SIAH3: variants seen among roughly 807,000 people sequenced by gnomAD.
The protein encoded by SIAH3 is seven in absentia homolog 3.
In SIAH3, 9 loss-of-function variants were observed where a neutral mutation model predicts 12.6. The observed-to-expected ratio is 0.72, with a 90% CI of 0.43 to 1.25. The LOEUF is 1.25. SIAH3 is among the 50% of genes most tolerant of loss of function. The pLI is 0.00. For missense variants in SIAH3, 390 were observed against 365.4 expected (o/e 1.07, Z -0.55); for synonymous variants, 154 against 151.1 (o/e 1.02, Z -0.14).
chr13:45,777,759 A>C lies in SIAH3; in HGVS notation c.*5624T>G, dbSNP rs1404501674. On this transcript the variant is annotated 3_prime_UTR_variant, in exon 2 of 2. Transcript: ENST00000400405. Reference sequence around the variant, plus strand: ...TGCAGCTGAACCTCAATCAAAGCCTAACTCTTTGGGGTCCCACCCATGATC... The same window carrying C: ...TGCAGCTGAACCTCAATCAAAGCCTCACTCTTTGGGGTCCCACCCATGATC... 6.6e-6 allele frequency: 1 copy of C among 152,224 alleles called. No individual in the cohort carries two copies. The highest frequency in any genetic ancestry group is 1.5e-5 in the Non-Finnish European group (1 of 68,038). The allele number at this position is 152,224 out of a possible 1,614,324, so 9.4% of individuals were successfully genotyped here.
rs573125730 is a variant in SIAH3, at chr13:45,780,875, A to G, written c.*2508T>C. ...TAATGAGGATTAACCTGAGACTCAA[A>G]TCAAAGAGCCCTTCAGGAACTGTGA... On this transcript the variant is annotated 3_prime_UTR_variant, in exon 2 of 2. Transcript: ENST00000400405. 3.3e-5 allele frequency: 5 copies of G among 152,298 alleles called. No homozygotes were observed. Among genetic ancestry groups the G allele is most frequent in the Middle Eastern group, 3.4e-3 (1 of 294 alleles). The allele number at this position is 152,298 out of a possible 1,614,324, so 9.4% of individuals were successfully genotyped here.
At chr13:45,817,421 A>G (rs1348564225) in intron 1 of SIAH3, among the ~76,000 whole-genome samples, 3 of 152,252 alleles carry the variant, frequency 2.0e-5, no homozygotes, top group Non-Finnish European at 4.4e-5. Flanking sequence ...CTACTGATGC[A>G]TTTCTCAGAA....
intron 1 of SIAH3, among the ~76,000 whole-genome samples, chr13:45,847,160 G>A (rs773290028): frequency 9.9e-5 from 15 of 152,166 alleles, no homozygotes; most frequent in Non-Finnish European, 1.5e-4. Context: ...GTGACTGTGT[G>A]GAGAGGAACT....
In SIAH3 at chr13:45,780,343, C is replaced by T. The variant is rs1458828943; in HGVS notation, c.*3040G>A. The T allele has an allele frequency of 6.6e-6, 1 of 152,076 alleles. No individual in the cohort carries two copies. Among genetic ancestry groups the T allele is most frequent in the Non-Finnish European group, 1.5e-5 (1 of 68,122 alleles). 9.4% of individuals were successfully genotyped at this position (152,076 alleles called of 1,614,324 possible). A position where few individuals can be genotyped will look rare whatever the true frequency, so the allele number is the denominator to read the frequency against. ...GGAGTTACAAGTGGTGCAATCACAG[C>T]TCACTGTGACCTCAACCTCCTGGGC... On this transcript the variant is annotated 3_prime_UTR_variant, in exon 2 of 2. Coordinates refer to ENST00000400405, the MANE Select transcript of SIAH3 (RefSeq NM_198849.3).
chr13:45,788,953 G>A (rs1335798465), intron 1 of SIAH3, among the ~76,000 whole-genome samples: 1 of 152,200 alleles, frequency 6.6e-6, no homozygotes, highest in Non-Finnish European at 1.5e-5. Flanking sequence ...GGGAGAATGA[G>A]CAGGTTGAGG....
At chr13:45,787,282 G>A (rs73470531) in intron 1 of SIAH3, among the ~76,000 whole-genome samples, 4,906 of 152,210 alleles carry the variant, frequency 0.032, 276 homozygotes, top group African/African-American at 0.11. Context: ...TTTTGATGGG[G>A]CTTATGGCAG....
At chr13:45,810,194 C>T (rs1950611668) in intron 1 of SIAH3, among the ~76,000 whole-genome samples, 2 of 152,188 alleles carry the variant, frequency 1.3e-5, no homozygotes, top group Admixed American at 1.3e-4. Context: ...TGCTCAGTCC[C>T]ACCTGGACTA....
intron 1 of SIAH3, among the ~76,000 whole-genome samples, chr13:45,786,730 T>C (rs533369840): frequency 6.6e-6 from 1 of 152,294 alleles, no homozygotes; most frequent in African/African-American, 2.4e-5. Flanking sequence ...CCTGCCTGTC[T>C]CCATTCTGAT....
chr13:45,851,103 G>T (rs1025827574), intron 1 of SIAH3, among the ~76,000 whole-genome samples: 1 of 147,246 alleles, frequency 6.8e-6, no homozygotes, highest in Non-Finnish European at 1.5e-5. Flanking sequence ...CCAACACATG[G>T]GACAGAGAGA....
At chr13:45,815,355 C>T (rs7986176) in intron 1 of SIAH3, among the ~76,000 whole-genome samples, 11,515 of 151,744 alleles carry the variant, frequency 0.076, 1,404 homozygotes, top group African/African-American at 0.26. Flanking sequence ...AAAGAGAAAA[C>T]AGACTGAGGC....
intron 1 of SIAH3, among the ~76,000 whole-genome samples, chr13:45,805,722 C>A (rs1950596500): frequency 6.6e-6 from 1 of 152,102 alleles, no homozygotes; most frequent in African/African-American, 2.4e-5. Context: ...CAGAAATTGA[C>A]AAGTAGGACC....
chr13:45,808,088 T>C (rs1410672315), intron 1 of SIAH3, among the ~76,000 whole-genome samples: 1 of 151,738 alleles, frequency 6.6e-6, no homozygotes, highest in Non-Finnish European at 1.5e-5. Context: ...GATGTTGTGT[T>C]GGTAGCTTAA....
Position 45,850,789 on chromosome 13 carries a change from A to G in SIAH3, c.135+706T>C, listed in dbSNP as rs1036576766. 7.2e-5 allele frequency among the ~76,000 whole-genome samples: 11 copies of G among 152,096 alleles called. No individual in the cohort carries two copies. The South Asian group carries it at 8.3e-4, about 11-fold the overall frequency. On this transcript the variant is annotated intron_variant, in intron 1 of 1. Transcript: ENST00000400405. ...CGAGCAACCCAGCACCCAGCTGCCT[A>G]GGGTGCTCCAGGCAGCGGCGGCAGC...
intron 1 of SIAH3, among the ~76,000 whole-genome samples, chr13:45,826,926 T>C (rs1331242217): frequency 6.6e-6 from 1 of 152,170 alleles, no homozygotes; most frequent in African/African-American, 2.4e-5. Flanking sequence ...CTCTGGGCGA[T>C]GTACACATTA....
Position 45,824,888 on chromosome 13 carries a change from A to C in SIAH3, c.135+26607T>G, listed in dbSNP as rs201251645. Among the ~76,000 whole-genome samples the C allele has an allele frequency of 6.6e-3, 701 of 105,506 alleles. 7 individuals are homozygous for C. The highest frequency in any genetic ancestry group is 0.053 in the East Asian group (168 of 3,158). 69.2% of individuals were successfully genotyped at this position (105,506 alleles called of 152,430 possible). On this transcript the variant is annotated intron_variant, in intron 1 of 1. Transcript: ENST00000400405. ...GCGAGACTCTGTCTCAAAAAAAAAA[A>C]CAAAAAAAACAAAAACCAAAAAACC...
Position 45,785,090 on chromosome 13 carries a change from A to ATTC in SIAH3, c.136-1034_136-1033insGAA, listed in dbSNP as rs1416989848. Among the ~76,000 whole-genome samples the ATTC allele has an allele frequency of 7.2e-5, 11 of 152,322 alleles. No homozygotes were observed. The East Asian group carries it at 2.1e-3, about 29-fold the overall frequency. Reference sequence around the variant, plus strand: ...TGGAGCCTGCAAAACTGGTAAGTGAAAGACTGGGATTCATCTTCACGCCCC... The same window carrying ATTC: ...TGGAGCCTGCAAAACTGGTAAGTGAATTCAGACTGGGATTCATCTTCACGCCCC... On this transcript the variant is annotated intron_variant, in intron 1 of 1. Coordinates refer to ENST00000400405, the MANE Select transcript of SIAH3 (RefSeq NM_198849.3).
chr13:45,828,954 AGAAAAACT>A (rs1950688954), intron 1 of SIAH3, among the ~76,000 whole-genome samples: 1 of 151,150 alleles, frequency 6.6e-6, no homozygotes, highest in Non-Finnish European at 1.5e-5. Flanking sequence ...TTTTTTTTGC[AGAAAAACT>A]GCATTTAAAA....
rs553959005 is a variant in SIAH3, at chr13:45,843,357, C to A, written c.135+8138G>T. Among the ~76,000 whole-genome samples the A allele has an allele frequency of 2.0e-5, 3 of 152,224 alleles. No individual in the cohort carries two copies. In the East Asian group the frequency reaches 5.8e-4, roughly 29 times the overall value. On this transcript the variant is annotated intron_variant, in intron 1 of 1. Transcript: ENST00000400405. ...TGAATCTCAGAGTGGTGTCATCGAG[C>A]CTGCAGATATATACTCTTCGAATCA...
In SIAH3 at chr13:45,839,014, C is replaced by T. The variant is rs568211231; in HGVS notation, c.135+12481G>A. 5.9e-5 allele frequency among the ~76,000 whole-genome samples: 9 copies of T among 152,014 alleles called. No homozygotes were observed. The South Asian group carries it at 1.0e-3, about 18-fold the overall frequency. On this transcript the variant is annotated intron_variant, in intron 1 of 1. Transcript: ENST00000400405. Reference sequence around the variant, plus strand: ...GTTTACCAGAAACCAAGGTAGAAGCCGAGTTAAATTAGGTAGGAAATGGTC... The same window carrying T: ...GTTTACCAGAAACCAAGGTAGAAGCTGAGTTAAATTAGGTAGGAAATGGTC...
Sources: gnomAD v4.1 joint callset for allele counts (sites outside exome capture counted in the v4.1 genomes callset) on GRCh38, gnomAD v4.1.1 for gene constraint, MANE v1.5 for transcripts, NCBI Gene and HGNC (gene_info 2026-07-23, HGNC 2026-07-21) for gene names.